SOX6: variants seen among roughly 807,000 people sequenced by gnomAD.
SOX6 encodes the protein SRY-box transcription factor 6, also known as transcription factor SOX-6.
In SOX6, 11 loss-of-function variants were observed where a neutral mutation model predicts 97.8. That is an observed-to-expected ratio of 0.11 (90% CI 0.07 to 0.19). The LOEUF is 0.19. Among genes scored for constraint, SOX6 ranks in the 10% least tolerant of loss-of-function variants. The pLI, the probability that SOX6 is intolerant of heterozygous loss-of-function variation, is 1.00. For synonymous variants in SOX6, 360 were observed against 371.4 expected, an observed-to-expected ratio of 0.97 and a Z score of 0.35; for missense variants, 810 against 1,039.5, an observed-to-expected ratio of 0.78 and a Z score of 3.04.
At chr11:16,643,187 C>T (rs1205935224) in intron 3 of SOX6, among the ~76,000 whole-genome samples, 1 of 152,160 alleles carries the variant, frequency 6.6e-6, no homozygotes, top group East Asian at 1.9e-4. Flanking sequence ...CACTCCAGAC[C>T]CTGTTGGCCT....
intron 9 of SOX6, among the ~76,000 whole-genome samples, chr11:16,069,140 G>A (rs911675275): frequency 6.6e-6 from 1 of 152,128 alleles, no homozygotes; most frequent in African/African-American, 2.4e-5. Flanking sequence ...GGTTCACCAT[G>A]TAATGCACTG....
rs68008241 is a variant in SOX6, at chr11:16,047,701, CGTGTGTGTGTGT to C, written c.1436-1012_1436-1001del. Among the ~76,000 whole-genome samples, 367 of 146,016 alleles carry C rather than the reference CGTGTGTGTGTGT, an allele frequency of 2.5e-3. 1 individual carries two copies. The highest frequency in any genetic ancestry group is 8.0e-3 in the African/African-American group (316 of 39,472). On this transcript the variant is annotated intron_variant, in intron 11 of 15. Coordinates refer to ENST00000683767, the MANE Select transcript of SOX6 (RefSeq NM_001367873.1). ...GAGGGCTCGTATAATCATTTCATAG[CGTGTGTGTGTGT>C]GTGTGTGTGTGTGTGTGTGTGTATG...
intron 6 of SOX6, among the ~76,000 whole-genome samples, chr11:16,155,772 G>A (rs1455101): frequency 0.096 from 14,538 of 151,894 alleles, 1,413 homozygotes; most frequent in East Asian, 0.37. Flanking sequence ...TACAATCTTT[G>A]TTCTAACCAA....
At chr11:16,214,901 C>T (rs1852329465) in intron 4 of SOX6, among the ~76,000 whole-genome samples, 1 of 151,898 alleles carries the variant, frequency 6.6e-6, no homozygotes, top group Admixed American at 6.6e-5. Context: ...AGGCACACAC[C>T]ACCACACCCA....
At chr11:16,553,244 C>T (rs539639576) in intron 4 of SOX6, among the ~76,000 whole-genome samples, 1 of 152,290 alleles carries the variant, frequency 6.6e-6, no homozygotes, top group East Asian at 1.9e-4. Flanking sequence ...TTTGCTTGAA[C>T]GGTACTGCTC....
intron 3 of SOX6, among the ~76,000 whole-genome samples, chr11:16,288,567 A>T (rs1053647453): frequency 6.6e-6 from 1 of 152,058 alleles, no homozygotes; most frequent in African/African-American, 2.4e-5. Flanking sequence ...ACATTCAAAT[A>T]TACTTTTTAG....
At chr11:16,693,680 C>G (rs958059303) in intron 3 of SOX6, among the ~76,000 whole-genome samples, 1 of 152,024 alleles carries the variant, frequency 6.6e-6, no homozygotes, top group Admixed American at 6.6e-5. Flanking sequence ...TAACTTTATT[C>G]TAAAATTATA....
At chr11:16,713,447 G>A (rs1848195870) in intron 3 of SOX6, among the ~76,000 whole-genome samples, 1 of 151,938 alleles carries the variant, frequency 6.6e-6, no homozygotes, top group East Asian at 1.9e-4. Flanking sequence ...TTCAGAATAT[G>A]CCTGCTTAGA....
At chr11:16,569,125 AG>A (rs1847909796) in intron 4 of SOX6, among the ~76,000 whole-genome samples, 1 of 152,222 alleles carries the variant, frequency 6.6e-6, no homozygotes, top group African/African-American at 2.4e-5. Context: ...TTCCAATCCC[AG>A]GTCTTTGATT....
intron 3 of SOX6, among the ~76,000 whole-genome samples, chr11:16,276,547 T>TA (rs1240188304): frequency 2.0e-5 from 3 of 152,042 alleles, no homozygotes; most frequent in Admixed American, 6.6e-5. Context: ...GTCCCCCAAA[T>TA]AAAAAAGGTA....
chr11:16,711,906 T>TC (rs1848183792), intron 3 of SOX6, among the ~76,000 whole-genome samples: 1 of 152,138 alleles, frequency 6.6e-6, no homozygotes, highest in Non-Finnish European at 1.5e-5. Flanking sequence ...GTCCATCATA[T>TC]CATTCTTATG....
intron 9 of SOX6, among the ~76,000 whole-genome samples, chr11:16,087,498 T>C (rs2133963221): frequency 6.6e-6 from 1 of 152,250 alleles, no homozygotes; most frequent in African/African-American, 2.4e-5. Flanking sequence ...AACTAAAAAA[T>C]AATATTCCCT....
chr11:16,217,301 T>C (rs929680708), intron 4 of SOX6, among the ~76,000 whole-genome samples: 3 of 152,158 alleles, frequency 2.0e-5, no homozygotes, highest in African/African-American at 7.2e-5. Context: ...CAGCTACGTG[T>C]TTGAACAGTA....
chr11:16,581,098 A>G (rs1327355010), intron 4 of SOX6, among the ~76,000 whole-genome samples: 1 of 152,238 alleles, frequency 6.6e-6, no homozygotes, highest in African/African-American at 2.4e-5. Flanking sequence ...ATTACTGGGT[A>G]TATAACCAAA....
intron 15 of SOX6, among the ~76,000 whole-genome samples, chr11:15,979,217 A>G (rs1215142431): frequency 6.6e-6 from 1 of 151,516 alleles, no homozygotes; most frequent in Non-Finnish European, 1.5e-5. Context: ...GAATAGGCCA[A>G]TCTATGGTAA....
At chr11:16,675,567 G>A (rs1847878406) in intron 3 of SOX6, among the ~76,000 whole-genome samples, 2 of 152,228 alleles carry the variant, frequency 1.3e-5, no homozygotes, top group African/African-American at 4.8e-5. Context: ...GTCTTTGTCT[G>A]GGTTCAAGTT....
At chr11:16,683,119 T>C (rs559675169) in intron 3 of SOX6, among the ~76,000 whole-genome samples, 9 of 152,352 alleles carry the variant, frequency 5.9e-5, no homozygotes, top group African/African-American at 2.2e-4. Context: ...TCCATGCTCA[T>C]GGATAGGAAG....
chr11:16,713,781 C>T (rs1266658694), intron 3 of SOX6, among the ~76,000 whole-genome samples: 3 of 152,206 alleles, frequency 2.0e-5, no homozygotes, highest in African/African-American at 7.2e-5. Context: ...CACAACTACA[C>T]TTCCCCAGCT....
intron 4 of SOX6, among the ~76,000 whole-genome samples, chr11:16,219,841 C>A (rs1206055430): frequency 1.3e-5 from 2 of 151,808 alleles, no homozygotes; most frequent in Non-Finnish European, 2.9e-5. Flanking sequence ...AAAGATATAC[C>A]CAGAGCACAT....
Sources: gnomAD v4.1 joint callset for allele counts (sites outside exome capture counted in the v4.1 genomes callset) on GRCh38, gnomAD v4.1.1 for gene constraint, MANE v1.5 for transcripts, NCBI Gene and HGNC (gene_info 2026-07-23, HGNC 2026-07-21) for gene names.